Variants in SLC24A2 observed in about 807,000 individuals in gnomAD.
SLC24A2 encodes the protein solute carrier family 24 member 2, also known as sodium/potassium/calcium exchanger 2.
A neutral mutation model predicts 62.0 loss-of-function variants in SLC24A2; 36 were observed. The observed-to-expected ratio is 0.58, with a 90% confidence interval of 0.44 to 0.77. The LOEUF (loss-of-function observed/expected upper bound fraction) is 0.77, where lower values mean the gene tolerates loss of function less well. Among genes scored for constraint, SLC24A2 ranks in the 30% least tolerant of loss-of-function variants. The pLI is 0.00. For synonymous variants in SLC24A2, 358 were observed against 294.0 expected, an observed-to-expected ratio of 1.22 and a Z score of -2.23; for missense variants, 846 against 817.9, an observed-to-expected ratio of 1.03 and a Z score of -0.42.
At chr9:19,651,798 T>C (rs1818808930) in intron 2 of SLC24A2, among the ~76,000 whole-genome samples, 1 of 152,196 alleles carries the variant, frequency 6.6e-6, no homozygotes, top group Admixed American at 6.5e-5. Flanking sequence ...CCCATGACAG[T>C]GCCTGCATTA....
the SLC24A2 span, among the ~76,000 whole-genome samples, chr9:20,303,187 G>A: frequency 6.6e-6 from 1 of 151,734 alleles, no homozygotes; most frequent in African/African-American, 2.4e-5. Context: ...ATGCATCACG[G>A]GAGTACAGTT....
the SLC24A2 span, among the ~76,000 whole-genome samples, chr9:20,013,644 T>C: frequency 6.6e-6 from 1 of 151,930 alleles, no homozygotes; most frequent in African/African-American, 2.4e-5. Context: ...CGGAAGAAAA[T>C]AGTTGAATAC....
At chr9:20,008,153 C>T in the SLC24A2 span, among the ~76,000 whole-genome samples, 411 of 152,090 alleles carry the variant, frequency 2.7e-3, 1 homozygote, top group Non-Finnish European at 4.7e-3. Flanking sequence ...ACCTCAGCCT[C>T]CCAAAGTGCT....
At chr9:19,951,961 A>T in the SLC24A2 span, among the ~76,000 whole-genome samples, 1 of 152,132 alleles carries the variant, frequency 6.6e-6, no homozygotes, top group Non-Finnish European at 1.5e-5. Flanking sequence ...TTTCTAATCC[A>T]TGAGCATGAT....
rs1361162538 is a variant in SLC24A2, at chr9:19,617,917, T to C, written c.1078+1667A>G. Among the ~76,000 whole-genome samples the C allele has an allele frequency of 2.6e-5, 4 of 152,198 alleles. No individual in the cohort carries two copies. The East Asian group carries it at 7.7e-4, about 29-fold the overall frequency. On this transcript the variant is annotated intron_variant, in intron 4 of 10. Transcript: ENST00000341998. ...ACTGAAAGACCAGCTAGGAAGCTAC[T>C]GCAGGAATGCAGGAATGCAGGCAAG...
chr9:20,235,323 G>C, the SLC24A2 span, among the ~76,000 whole-genome samples: 1 of 152,252 alleles, frequency 6.6e-6, no homozygotes, highest in African/African-American at 2.4e-5. Flanking sequence ...TGCCCCCAGA[G>C]GTGGAGCCTA....
the SLC24A2 span, among the ~76,000 whole-genome samples, chr9:20,215,580 T>A: frequency 6.6e-6 from 1 of 152,258 alleles, no homozygotes; most frequent in Non-Finnish European, 1.5e-5. Flanking sequence ...TCCAGCACTG[T>A]CACTAGCCCA....
chr9:19,691,981 T>C (rs770235967), intron 2 of SLC24A2, among the ~76,000 whole-genome samples: 1 of 152,094 alleles, frequency 6.6e-6, no homozygotes, highest in Non-Finnish European at 1.5e-5. Context: ...ACTGGAATTA[T>C]AAAAATGAGT....
intron 2 of SLC24A2, among the ~76,000 whole-genome samples, chr9:19,750,135 C>A (rs1014467815): frequency 6.6e-6 from 1 of 152,154 alleles, no homozygotes; most frequent in Non-Finnish European, 1.5e-5. Context: ...TTGAAGACAA[C>A]TTCAGTTTTT....
At chr9:19,841,505 G>C in the SLC24A2 span, among the ~76,000 whole-genome samples, 1 of 152,168 alleles carries the variant, frequency 6.6e-6, no homozygotes, top group Non-Finnish European at 1.5e-5. Context: ...TAGATGATGG[G>C]TTAGGGGAGG....
At chr9:20,039,678 T>G in the SLC24A2 span, among the ~76,000 whole-genome samples, 1 of 152,026 alleles carries the variant, frequency 6.6e-6, no homozygotes, top group African/African-American at 2.4e-5. Context: ...GCTGGAAACT[T>G]GGAGGTACTG....
chr9:20,307,560 C>T, the SLC24A2 span, among the ~76,000 whole-genome samples: 89 of 152,314 alleles, frequency 5.8e-4, no homozygotes, highest in African/African-American at 2.1e-3. Flanking sequence ...TTGTGAGAAA[C>T]TCCTAAACTC....
chr9:19,595,983 G>C (rs1430171826), intron 5 of SLC24A2, among the ~76,000 whole-genome samples: 1 of 152,142 alleles, frequency 6.6e-6, no homozygotes, highest in African/African-American at 2.4e-5. Context: ...CTGCCCATGG[G>C]TCTGCATTTC....
At chr9:19,582,102 A>C (rs1836226897) in intron 5 of SLC24A2, among the ~76,000 whole-genome samples, 2 of 152,102 alleles carry the variant, frequency 1.3e-5, no homozygotes. Flanking sequence ...TCCTCAGAGG[A>C]GTGTATGTTG....
At chr9:19,825,522 G>T in the SLC24A2 span, among the ~76,000 whole-genome samples, 1 of 151,984 alleles carries the variant, frequency 6.6e-6, no homozygotes, top group African/African-American at 2.4e-5. Context: ...GGGATATAGG[G>T]TCTAACTGAG....
chr9:20,303,808 G>A, the SLC24A2 span, among the ~76,000 whole-genome samples: 2 of 152,114 alleles, frequency 1.3e-5, no homozygotes, highest in East Asian at 1.9e-4. Context: ...ACAACCTAGC[G>A]GCAAAACCTC....
chr9:19,516,388 C>T lies in SLC24A2; in HGVS notation c.1751G>A (p.Trp584Ter), dbSNP rs572958979. 1 of 1,613,892 alleles carries T rather than the reference C, an allele frequency of 6.2e-7. No homozygotes were observed. The highest frequency in any genetic ancestry group is 1.1e-5 in the South Asian group (1 of 91,064). ...TCTGTGAATGACGGTGTACAGGAGC[C>T]AGGGCAGTGGGAGCCTGTGCAGAAG... Reference protein sequence around the residue: ...FDITVGLPLPWLLYTVIHRFQ... With the variant: ...FDITVGLPLP Residue 584 changes from tryptophan to a stop codon, truncating the protein, a stop_gained, in exon 11 of 11, where the codon TGG (tryptophan) becomes TAG (stop). Coordinates refer to ENST00000341998, the MANE Select transcript of SLC24A2 (RefSeq NM_020344.4). LOFTEE classifies it high-confidence loss of function.
At chr9:19,979,864 A>T in the SLC24A2 span, among the ~76,000 whole-genome samples, 1 of 152,230 alleles carries the variant, frequency 6.6e-6, no homozygotes, top group Non-Finnish European at 1.5e-5. Flanking sequence ...CATGAGCTCC[A>T]GTTTCTGCAT....
In SLC24A2 at chr9:19,721,592, TAAATG is replaced by T. The variant is rs1821026435; in HGVS notation, c.930+64340_930+64344del. ...GGCAATTAATAAAGAAATTAAATAA[TAAATG>T]AAAAGAAATCTTAAAAGCATTAAAA... is the stretch of plus-strand genomic sequence containing the variant. On this transcript the variant is annotated intron_variant, in intron 2 of 10. Coordinates refer to ENST00000341998, the MANE Select transcript of SLC24A2 (RefSeq NM_020344.4). 2.0e-5 allele frequency among the ~76,000 whole-genome samples: 3 copies of T among 152,144 alleles called. No homozygotes were observed. The South Asian group carries it at 6.2e-4, about 31-fold the overall frequency.
Sources: gnomAD v4.1 joint callset for allele counts (sites outside exome capture counted in the v4.1 genomes callset) on GRCh38, gnomAD v4.1.1 for gene constraint, MANE v1.5 for transcripts, NCBI Gene and HGNC (gene_info 2026-07-23, HGNC 2026-07-21) for gene names.